ELMO1: variants seen among roughly 807,000 people sequenced by gnomAD.
ELMO1 encodes the protein engulfment and cell motility protein 1.
ELMO1 carries 26 observed loss-of-function variants against 98.9 expected under a neutral mutation model. That is an observed-to-expected ratio of 0.26 (90% confidence interval 0.19 to 0.36). ELMO1 has a LOEUF of 0.36. ELMO1 is among the 10% of genes least tolerant of loss of function. The pLI, the probability that ELMO1 is intolerant of heterozygous loss-of-function variation, is 1.00. For synonymous variants in ELMO1, 346 were observed against 346.0 expected (o/e 1.00, Z 0.00); for missense variants, 627 against 935.2 (o/e 0.67, Z 4.30).
At chr7:37,340,869 C>A (rs1265921695) in intron 2 of ELMO1, among the ~76,000 whole-genome samples, 1 of 152,238 alleles carries the variant, frequency 6.6e-6, no homozygotes, top group African/African-American at 2.4e-5. Context: ...GGTTCCCAAA[C>A]TGCACTGACC....
At chr7:36,897,349 T>TGTGTGTGTGTGTGTGTGTGA (rs1370708472) in intron 16 of ELMO1, among the ~76,000 whole-genome samples, 4,305 of 151,642 alleles carry the variant, frequency 0.028, 102 homozygotes, top group South Asian at 0.085. Context: ...TGTGTGTGTG[T>TGTGTGTGTGTGTGTGTGTGA]GAAAGAGTGT....
intron 15 of ELMO1, among the ~76,000 whole-genome samples, chr7:37,023,952 G>A (rs10488028): frequency 0.28 from 43,248 of 152,108 alleles, 8,302 homozygotes; most frequent in African/African-American, 0.55. Context: ...TGCAAAAACT[G>A]TAATAGACTT....
intron 16 of ELMO1, among the ~76,000 whole-genome samples, chr7:36,902,023 T>C (rs1053758742): frequency 4.6e-5 from 7 of 152,158 alleles, no homozygotes; most frequent in Non-Finnish European, 1.0e-4. Context: ...TCCTTGCTCT[T>C]TTCTGCCTCA....
At chr7:36,984,475 T>C (rs755578371) in intron 16 of ELMO1, among the ~76,000 whole-genome samples, 4 of 152,224 alleles carry the variant, frequency 2.6e-5, no homozygotes, top group African/African-American at 4.8e-5. Flanking sequence ...GCCCTCACCC[T>C]GCCTTGAGTC....
At position 36,865,519 on chromosome 7, in the gene ELMO1, C is replaced by G. The variant is rs80044732; in HGVS notation, c.1906-3783G>C. ...TCCAATCCATATTCTTCTCCCCATC[C>G]CCATCCATCCTATACTCTGAATTCA... is the stretch of plus-strand genomic sequence containing the variant. On this transcript the variant is annotated intron_variant, in intron 20 of 21. Coordinates refer to ENST00000310758, the MANE Select transcript of ELMO1 (RefSeq NM_014800.11). Among the ~76,000 whole-genome samples, 612 of 152,288 alleles carry G rather than the reference C, an allele frequency of 4.0e-3. 3 individuals are homozygous for G. The highest frequency in any genetic ancestry group is 0.014 in the African/African-American group (587 of 41,562).
intron 16 of ELMO1, chr7:36,919,327 C>G: frequency 1.9e-6 from 1 of 526,082 alleles, no homozygotes; most frequent in Non-Finnish European, 3.9e-6. Context: ...TAACACTGCT[C>G]AGATGCTGGC....
intron 16 of ELMO1, among the ~76,000 whole-genome samples, chr7:36,908,534 C>T (rs1328997956): frequency 6.7e-6 from 1 of 149,560 alleles, no homozygotes; most frequent in Non-Finnish European, 1.5e-5. Flanking sequence ...AAAGCCAATG[C>T]CATGTTAAGA....
intron 5 of ELMO1, among the ~76,000 whole-genome samples, chr7:37,267,011 TAAAAAA>T (rs1217111170): frequency 7.4e-5 from 5 of 67,802 alleles, no homozygotes; most frequent in African/African-American, 2.6e-4. Flanking sequence ...AGACTCCATC[TAAAAAA>T]AAAAAAAAAA....
chr7:37,398,102 T>C (rs560493128), intron 1 of ELMO1, among the ~76,000 whole-genome samples: 1 of 152,320 alleles, frequency 6.6e-6, no homozygotes, highest in Admixed American at 6.5e-5. Context: ...CAAACCACCA[T>C]GGCACACGTT....
intron 14 of ELMO1, among the ~76,000 whole-genome samples, chr7:37,109,208 C>T (rs556628248): frequency 6.6e-6 from 1 of 152,310 alleles, no homozygotes; most frequent in South Asian, 2.1e-4. Flanking sequence ...GATGAAAACA[C>T]TCAGAAGCAA....
chr7:37,087,536 T>C (rs1425834681), intron 15 of ELMO1, among the ~76,000 whole-genome samples: 3 of 152,204 alleles, frequency 2.0e-5, no homozygotes, highest in Non-Finnish European at 2.9e-5. Context: ...TGGGTTTAAA[T>C]TGAAATTAGC....
intron 13 of ELMO1, among the ~76,000 whole-genome samples, chr7:37,191,207 G>C (rs369918742): frequency 8.2e-6 from 1 of 122,066 alleles, no homozygotes; most frequent in Non-Finnish European, 1.8e-5. Flanking sequence ...AAAAAAAAAA[G>C]AAAGAAAATA....
chr7:36,973,989 G>A (rs980132006), intron 16 of ELMO1, among the ~76,000 whole-genome samples: 3 of 152,210 alleles, frequency 2.0e-5, no homozygotes, highest in South Asian at 2.1e-4. Context: ...GGCAGGGCTC[G>A]GGACCTGCAG....
intron 16 of ELMO1, among the ~76,000 whole-genome samples, chr7:36,948,773 G>A (rs748936016): frequency 1.3e-5 from 2 of 152,246 alleles, no homozygotes; most frequent in South Asian, 2.1e-4. Flanking sequence ...ACATCAAGAC[G>A]CAAAAGGGAT....
At chr7:37,159,176 T>C (rs1789017550) in intron 13 of ELMO1, among the ~76,000 whole-genome samples, 1 of 152,032 alleles carries the variant, frequency 6.6e-6, no homozygotes, top group African/African-American at 2.4e-5. Flanking sequence ...TGGCGGAGGA[T>C]AGCATTAGGA....
chr7:36,956,680 TAGC>T (rs1788476896), intron 16 of ELMO1, among the ~76,000 whole-genome samples: 1 of 152,230 alleles, frequency 6.6e-6, no homozygotes, highest in Non-Finnish European at 1.5e-5. Context: ...CAAAGCTTCT[TAGC>T]AGTTGTGAAA....
At chr7:37,203,527 G>T (rs1792417510) in intron 13 of ELMO1, among the ~76,000 whole-genome samples, 1 of 152,180 alleles carries the variant, frequency 6.6e-6, no homozygotes, top group Admixed American at 6.5e-5. Context: ...CTACAATGGG[G>T]CTTTGGGCAA....
At chr7:37,290,756 AAATTC>A (rs1797634541) in intron 4 of ELMO1, among the ~76,000 whole-genome samples, 1 of 152,344 alleles carries the variant, frequency 6.6e-6, no homozygotes, top group Non-Finnish European at 1.5e-5. Context: ...ATTAGTCCAT[AAATTC>A]AATTCAATTT....
intron 14 of ELMO1, among the ~76,000 whole-genome samples, chr7:37,128,270 A>G (rs1184888354): frequency 1.3e-5 from 2 of 152,180 alleles, no homozygotes; most frequent in African/African-American, 4.8e-5. Flanking sequence ...TCAACTCTGT[A>G]CCATTATCTT....
Sources: gnomAD v4.1 joint callset for allele counts (sites outside exome capture counted in the v4.1 genomes callset) on GRCh38, gnomAD v4.1.1 for gene constraint, MANE v1.5 for transcripts, NCBI Gene and HGNC (gene_info 2026-07-23, HGNC 2026-07-21) for gene names.